Variants in CTR9 observed in about 807,000 individuals in gnomAD.
CTR9 encodes the protein CTR9 component of Paf1/RNA polymerase II complex.
In CTR9, 41 loss-of-function variants were observed where a neutral mutation model predicts 152.1. The observed-to-expected ratio is 0.27, with a 90% CI of 0.21 to 0.35. The LOEUF (loss-of-function observed/expected upper bound fraction) is 0.35, where lower values mean the gene tolerates loss of function less well. Ranked by LOEUF, CTR9 falls within the 10% of genes least tolerant of loss-of-function variation. CTR9 has a pLI of 1.00. For missense variants in CTR9, 917 were observed against 1,424.4 expected, an observed-to-expected ratio of 0.64 and a Z score of 5.73; for synonymous variants, 476 against 496.2, an observed-to-expected ratio of 0.96 and a Z score of 0.54.
At chr11:10,772,797 A>G in intron 20 of CTR9, 142 bp downstream of exon 20, 2 of 865,562 alleles carry the variant, frequency 2.3e-6, no homozygotes, top group Non-Finnish European at 3.4e-6. Flanking sequence ...AGGTGGGTGG[A>G]GGGCGGATCA....
intron 8 of CTR9, 24 bp from the exon 9 acceptor site, chr11:10,763,619 T>C: frequency 6.3e-7 from 1 of 1,577,974 alleles, no homozygotes. Flanking sequence ...TACATATTGG[T>C]CTTTTTTAAT....
chr11:10,778,591 C>T (rs1590030454), intron 24 of CTR9, 88 bp from the exon 25 acceptor site: 1 of 1,200,878 alleles, frequency 8.3e-7, no homozygotes, highest in Non-Finnish European at 1.2e-6. Flanking sequence ...ATATTAAATG[C>T]CCTTCTGTTT....
At chr11:10,756,352 A>G (rs1489740267) in intron 4 of CTR9, among the ~76,000 whole-genome samples, 1 of 152,202 alleles carries the variant, frequency 6.6e-6, no homozygotes, top group Non-Finnish European at 1.5e-5. Context: ...TTCATCACTT[A>G]GGTATTAAGC....
intron 24 of CTR9, among the ~76,000 whole-genome samples, chr11:10,776,337 A>C (rs1326907800): frequency 1.3e-5 from 2 of 152,116 alleles, no homozygotes; most frequent in Non-Finnish European, 2.9e-5. Context: ...TGCGGTGGTA[A>C]GTCAACAGTA....
chr11:10,754,923 CT>C, intron 2 of CTR9, 34 bp from the exon 3 acceptor site: 1 of 1,599,322 alleles, frequency 6.3e-7, no homozygotes, highest in East Asian at 2.2e-5. Flanking sequence ...TGGACATATG[CT>C]TTAGTGATTC....
At chr11:10,758,604 T>C (rs116991135) in intron 5 of CTR9, among the ~76,000 whole-genome samples, 4,206 of 152,274 alleles carry the variant, frequency 0.028, 92 homozygotes, top group South Asian at 0.056. Context: ...ACATATAAGT[T>C]GTCAAATTAA....
chr11:10,752,849 C>A, intron 2 of CTR9, 79 bp downstream of exon 2: 1 of 1,117,808 alleles, frequency 8.9e-7, no homozygotes, highest in Non-Finnish European at 1.4e-6. Flanking sequence ...ATAGTAATAG[C>A]CAGCTTGGCT....
chr11:10,763,410 G>A, intron 7 of CTR9, 21 bp from the exon 8 acceptor site: 1 of 1,536,472 alleles, frequency 6.5e-7, no homozygotes, highest in Admixed American at 1.7e-5. Flanking sequence ...TCACTCAGTT[G>A]ACTTTCTGAT....
intron 18 of CTR9, 87 bp downstream of exon 18, chr11:10,770,719 G>A (rs570225457): frequency 7.8e-6 from 10 of 1,285,682 alleles, no homozygotes; most frequent in Middle Eastern, 2.1e-4. Context: ...TGTCTGAAAT[G>A]CTTTGTTTAA....
Position 10,775,272 on chromosome 11 carries a change from G to A in CTR9, c.2951G>A (p.Arg984Gln), listed in dbSNP as rs747232757. 1.7e-5 allele frequency: 28 copies of A among 1,613,828 alleles called. No individual in the cohort carries two copies. Among genetic ancestry groups the A allele is most frequent in the Non-Finnish European group, 2.3e-5 (27 of 1,179,940 alleles). ...GAAAATGGCCCCAAACCAAAAAAACGACGTCCACCAAAAGCAGAGAAGAAA... is the reference window on the plus strand; with the variant it reads ...GAAAATGGCCCCAAACCAAAAAAACAACGTCCACCAAAAGCAGAGAAGAAA... ...ETENGPKPKK[R>Q]RPPKAEKKKA... Residue 984 changes from arginine to glutamine, a missense_variant, in exon 23 of 25, where the codon CGA becomes CAA. By Grantham distance (43) the Arg-to-Gln change is conservative. This residue lies in a region of CTR9 where 384 missense variants were observed against 398.4 expected (regional missense o/e 0.96). Coordinates refer to ENST00000361367, the MANE Select transcript of CTR9 (RefSeq NM_014633.5).
chr11:10,756,060 C>A (rs1037735910), intron 4 of CTR9, among the ~76,000 whole-genome samples: 1 of 152,158 alleles, frequency 6.6e-6, no homozygotes, highest in South Asian at 2.1e-4. Flanking sequence ...GTAATCCCAG[C>A]GCTTTGAGAG....
chr11:10,774,265 T>G, intron 22 of CTR9, 96 bp downstream of exon 22: 1 of 1,434,940 alleles, frequency 7.0e-7, no homozygotes, highest in Non-Finnish European at 9.3e-7. Flanking sequence ...TGATGAACAC[T>G]TGATCCAAAC....
intron 5 of CTR9, among the ~76,000 whole-genome samples, chr11:10,757,786 T>A (rs539418488): frequency 6.6e-6 from 1 of 151,888 alleles, no homozygotes; most frequent in African/African-American, 2.4e-5. Flanking sequence ...GCAAGATAAA[T>A]AGTAAAGTAT....
At chr11:10,776,972 A>G (rs978918279) in intron 24 of CTR9, among the ~76,000 whole-genome samples, 49 of 6,258 alleles carry the variant, frequency 7.8e-3, no homozygotes, top group African/African-American at 0.023. Flanking sequence ...GACTCTTGTG[A>G]AAAAAAAAAA....
At chr11:10,769,912 A>G (rs1479003806) in intron 16 of CTR9, among the ~76,000 whole-genome samples, 1 of 152,224 alleles carries the variant, frequency 6.6e-6, no homozygotes, top group Non-Finnish European at 1.5e-5. Flanking sequence ...TAGTATTGCT[A>G]AAAGTATGAA....
intron 7 of CTR9, among the ~76,000 whole-genome samples, chr11:10,762,358 G>A (rs1443962219): frequency 6.6e-6 from 1 of 152,186 alleles, no homozygotes; most frequent in Non-Finnish European, 1.5e-5. Context: ...GTAAACAAAT[G>A]TAAGTGTAAA....
In CTR9 at chr11:10,778,864, G is replaced by C; in HGVS notation, c.3281G>C (p.Arg1094Thr). The stretch of plus-strand genomic sequence containing the variant: ...GACAGTGACCAGCCATCCAGAAAGA[G>C]AAGGCCCTCCGGTTCTGAGCAGTCT... ...DSDSDQPSRK[R>T]RPSGSEQSDN... The change falls in exon 25 of 25, where the codon AGA becomes ACA. Residue 1094 changes from arginine (R) to threonine (T), a missense_variant. Physicochemically the swap from Arg to Thr is moderately conservative, Grantham distance 71. Transcript: ENST00000361367. 6.2e-7 allele frequency: 1 copy of C among 1,614,240 alleles called. No homozygotes were observed. The highest frequency in any genetic ancestry group is 8.5e-7 in the Non-Finnish European group (1 of 1,180,038).
At position 10,772,611 on chromosome 11, in the gene CTR9, G is replaced by C; in HGVS notation, c.2536G>C (p.Glu846Gln). 6.2e-7 allele frequency: 1 copy of C among 1,610,650 alleles called. No homozygotes were observed. The highest frequency in any genetic ancestry group is 1.1e-5 in the South Asian group (1 of 90,620). ...AGAGCGGGAGCTGCGGGCCAAGCAAGAGCAAGAAAAGGAGCTGTTAAGGCA... is the reference window on the plus strand; with the variant it reads ...AGAGCGGGAGCTGCGGGCCAAGCAACAGCAAGAAAAGGAGCTGTTAAGGCA... ...EEERELRAKQEQEKELLRQKL... is the reference protein window; with the variant it reads ...EEERELRAKQQQEKELLRQKL... Residue 846 changes from glutamate (E) to glutamine (Q), a missense_variant, in exon 20 of 25, where the codon GAG becomes CAG. Around this residue, in one of 9 missense-constraint regions of CTR9, gnomAD observed 384 missense variants for 398.4 expected, o/e 0.96. Coordinates refer to ENST00000361367, the MANE Select transcript of CTR9 (RefSeq NM_014633.5).
chr11:10,773,339 A>T, intron 21 of CTR9, 66 bp downstream of exon 21: 2 of 1,571,074 alleles, frequency 1.3e-6, no homozygotes, highest in Middle Eastern at 1.7e-4. Flanking sequence ...AGAAATGAGG[A>T]TAATTGGTTA....
Sources: gnomAD v4.1 joint callset for allele counts (sites outside exome capture counted in the v4.1 genomes callset) on GRCh38, gnomAD v4.1.1 for gene constraint, gnomAD v4.1.1 regional missense constraint, MANE v1.5 for transcripts, NCBI Gene and HGNC (gene_info 2026-07-23, HGNC 2026-07-21) for gene names.